The following CBFB variants were observed in gnomAD, a reference collection of about 807,000 sequenced individuals.
CBFB encodes core-binding factor subunit beta.
In CBFB, 9 loss-of-function variants were observed where a neutral mutation model predicts 30.4. The ratio of observed to expected loss-of-function variants is 0.30; its 90% CI spans 0.18 to 0.52. The LOEUF (loss-of-function observed/expected upper bound fraction) is 0.52, where lower values mean the gene tolerates loss of function less well. Among genes scored for constraint, CBFB ranks in the 20% least tolerant of loss-of-function variants. CBFB has a pLI of 0.97. For synonymous variants in CBFB, 94 were observed against 84.0 expected, an observed-to-expected ratio of 1.12 and a Z score of -0.65; for missense variants, 170 against 244.0, an observed-to-expected ratio of 0.70 and a Z score of 2.02.
At chr16:67,037,988 G>A (rs1052563325) in intron 3 of CBFB, among the ~76,000 whole-genome samples, 1 of 151,880 alleles carries the variant, frequency 6.6e-6, no homozygotes, top group East Asian at 1.9e-4. Context: ...TTAATGAATA[G>A]CATCTTGGAT....
intron 5 of CBFB, among the ~76,000 whole-genome samples, chr16:67,084,191 T>TAAAAAAAAAA (rs1961651967): frequency 2.0e-5 from 2 of 97,738 alleles, no homozygotes; most frequent in African/African-American, 8.1e-5. Flanking sequence ...AAAAAAAAAG[T>TAAAAAAAAAA]ATATTCTAGC....
At chr16:67,088,868 T>C (rs1187488756) in intron 5 of CBFB, among the ~76,000 whole-genome samples, 5 of 152,204 alleles carry the variant, frequency 3.3e-5, no homozygotes, top group Admixed American at 6.5e-5. Flanking sequence ...ATTTAATCTA[T>C]GTGTAAGGTT....
chr16:67,031,141 G>A (rs1754914719), intron 2 of CBFB, among the ~76,000 whole-genome samples: 1 of 152,120 alleles, frequency 6.6e-6, no homozygotes, highest in Non-Finnish European at 1.5e-5. Context: ...TATTTTTAAA[G>A]AATATTTTGA....
chr16:67,050,954 A>G (rs150657820), intron 3 of CBFB, among the ~76,000 whole-genome samples: 70 of 152,336 alleles, frequency 4.6e-4, no homozygotes, highest in African/African-American at 1.6e-3. Flanking sequence ...GATGTGCTGG[A>G]CAAAGAGATG....
intron 3 of CBFB, among the ~76,000 whole-genome samples, chr16:67,042,685 C>T (rs953705521): frequency 3.3e-5 from 5 of 152,048 alleles, no homozygotes; most frequent in African/African-American, 7.3e-5. Flanking sequence ...GCTTCACTTC[C>T]TAGTCATGCT....
chr16:67,074,636 C>G (rs937368698), intron 4 of CBFB, among the ~76,000 whole-genome samples: 2 of 152,098 alleles, frequency 1.3e-5, no homozygotes, highest in Non-Finnish European at 2.9e-5. Context: ...CCGCTTCGGC[C>G]TCCCAAAGTG....
At chr16:67,071,561 CT>C (rs907691987) in intron 4 of CBFB, among the ~76,000 whole-genome samples, 6 of 152,120 alleles carry the variant, frequency 3.9e-5, no homozygotes, top group African/African-American at 1.4e-4. Flanking sequence ...AAATAAATTT[CT>C]GTTGTTTAAG....
chr16:67,043,684 G>C (rs1220027523), intron 3 of CBFB, among the ~76,000 whole-genome samples: 1 of 152,228 alleles, frequency 6.6e-6, no homozygotes, highest in Non-Finnish European at 1.5e-5. Context: ...GGATCAGAAT[G>C]TCTGCCCTAT....
chr16:67,048,641 C>T (rs1468099696), intron 3 of CBFB, among the ~76,000 whole-genome samples: 1 of 152,012 alleles, frequency 6.6e-6, no homozygotes, highest in African/African-American at 2.4e-5. Flanking sequence ...AGCTCTGCCT[C>T]CCGGGTTCAT....
Position 67,090,009 on chromosome 16 carries a change from C to A in CBFB, c.495+7701C>A, listed in dbSNP as rs567512932. Among the ~76,000 whole-genome samples the A allele has an allele frequency of 2.6e-5, 4 of 152,310 alleles. No homozygotes were observed. The South Asian group carries it at 8.3e-4, about 32-fold the overall frequency. ...CTTTAGACTATGAAAGTCGAAGATA[C>A]TATTTTGCCAAGCCATTTTAGATTC... On this transcript the variant is annotated intron_variant, in intron 5 of 5. Coordinates refer to ENST00000412916, the MANE Select transcript of CBFB (RefSeq NM_022845.3).
At chr16:67,064,647 G>A (rs542443701) in intron 3 of CBFB, among the ~76,000 whole-genome samples, 2 of 152,080 alleles carry the variant, frequency 1.3e-5, no homozygotes, top group Admixed American at 1.3e-4. Context: ...AATTAACACC[G>A]TCCTTTCTGG....
intron 5 of CBFB, among the ~76,000 whole-genome samples, chr16:67,095,322 T>A (rs1456804155): frequency 6.9e-6 from 1 of 145,230 alleles, no homozygotes; most frequent in Non-Finnish European, 1.5e-5. Flanking sequence ...ATTGAGACCA[T>A]CCTGGCTAAC....
At chr16:67,051,553 A>G (rs928007078) in intron 3 of CBFB, among the ~76,000 whole-genome samples, 3 of 151,862 alleles carry the variant, frequency 2.0e-5, no homozygotes, top group Admixed American at 6.6e-5. Flanking sequence ...GGTTTGTTTC[A>G]CAGTGTGTTT....
At chr16:67,075,247 C>A (rs1245603086) in intron 4 of CBFB, among the ~76,000 whole-genome samples, 1 of 145,428 alleles carries the variant, frequency 6.9e-6, no homozygotes, top group African/African-American at 2.5e-5. Flanking sequence ...AGAACTCTTA[C>A]ATTTCAGTGA....
At chr16:67,055,357 C>CTTTCTTTTTTTTTTTTTTT (rs1484285498) in intron 3 of CBFB, among the ~76,000 whole-genome samples, 3 of 81,466 alleles carry the variant, frequency 3.7e-5, no homozygotes, top group African/African-American at 1.6e-4. Flanking sequence ...CAGACACTTT[C>CTTTCTTTTTTTTTTTTTTT]TTTTTTTTTT....
rs576623722 is a variant in CBFB, at chr16:67,098,218, C to T, written c.496-492C>T. Among the ~76,000 whole-genome samples the T allele has an allele frequency of 2.0e-5, 3 of 152,294 alleles. No homozygotes were observed. In the East Asian group the frequency reaches 5.8e-4, roughly 29 times the overall value. On this transcript the variant is annotated intron_variant, in intron 5 of 5. Transcript: ENST00000412916. The stretch of plus-strand genomic sequence containing the variant: ...TGGTGCGATCTCAGCTCACGGCAAC[C>T]TCCACCTCCCAGGTTCAAGGGATTC...
intron 2 of CBFB, 68 bp from the exon 3 acceptor site, chr16:67,036,563 GTAAAAATA>G: frequency 1.2e-6 from 1 of 845,682 alleles, no homozygotes; most frequent in Non-Finnish European, 2.1e-6. Flanking sequence ...ATAAACTGAT[GTAAAAATA>G]AATGACTGCT....
At chr16:67,055,990 G>T (rs1451952457) in intron 3 of CBFB, among the ~76,000 whole-genome samples, 1 of 152,176 alleles carries the variant, frequency 6.6e-6, no homozygotes, top group Non-Finnish European at 1.5e-5. Flanking sequence ...TTTCTTGGGT[G>T]CCTATGGCCA....
chr16:67,033,793 T>C (rs1216803132), intron 2 of CBFB, among the ~76,000 whole-genome samples: 2 of 149,868 alleles, frequency 1.3e-5, no homozygotes, highest in Non-Finnish European at 3.0e-5. Context: ...TTTTTGTATT[T>C]TTAGTAGAGA....
Sources: gnomAD v4.1 joint callset for allele counts (sites outside exome capture counted in the v4.1 genomes callset) on GRCh38, gnomAD v4.1.1 for gene constraint, MANE v1.5 for transcripts, NCBI Gene and HGNC (gene_info 2026-07-23, HGNC 2026-07-21) for gene names.